The following LIPC variants were observed in gnomAD, a reference collection of about 807,000 sequenced individuals.
LIPC encodes hepatic triacylglycerol lipase.
A neutral mutation model predicts 50.7 loss-of-function variants in LIPC; 44 were observed. The ratio of observed to expected loss-of-function variants is 0.87; its 90% confidence interval spans 0.68 to 1.11. LIPC has a LOEUF of 1.11. LIPC is among the 50% of genes most tolerant of loss of function. The pLI, the probability that LIPC is intolerant of heterozygous loss-of-function variation, is 0.00. For synonymous variants in LIPC, 271 were observed against 256.4 expected, an observed-to-expected ratio of 1.06 and a Z score of -0.54; for missense variants, 697 against 648.2, an observed-to-expected ratio of 1.08 and a Z score of -0.82.
chr15:58,439,164 G>A (rs1180091982), intron 1 of LIPC, among the ~76,000 whole-genome samples: 2 of 152,168 alleles, frequency 1.3e-5, no homozygotes, highest in Non-Finnish European at 2.9e-5. Context: ...GCCTCATTGT[G>A]TGTGTCCTGT....
intron 8 of LIPC, chr15:58,566,337 A>T (rs1418897442): frequency 1.0e-6 from 1 of 985,366 alleles, no homozygotes; most frequent in Non-Finnish European, 1.2e-6. Context: ...GATGGACTCC[A>T]GTGTCAGCCA....
chr15:58,434,435 G>A (rs561355140), intron 1 of LIPC, among the ~76,000 whole-genome samples: 1 of 152,292 alleles, frequency 6.6e-6, no homozygotes. Context: ...TCACCATATG[G>A]TTGAGTAAGC....
chr15:58,563,393 C>T (rs1894234885), intron 7 of LIPC, 112 bp from the exon 8 acceptor site: 6 of 869,488 alleles, frequency 6.9e-6, no homozygotes, highest in African/African-American at 3.3e-5. Flanking sequence ...TTGGGAAATG[C>T]AGCAAAAATC....
intron 1 of LIPC, among the ~76,000 whole-genome samples, chr15:58,537,237 G>A (rs768728738): frequency 1.6e-4 from 25 of 152,200 alleles, no homozygotes; most frequent in Admixed American, 5.2e-4. Context: ...CTTGGCAGAG[G>A]TGTCCGTCTC....
At position 58,548,316 on chromosome 15, in the gene LIPC, G is replaced by A. The variant is rs779366465; in HGVS notation, c.809-14G>A. 3.1e-6 allele frequency: 5 copies of A among 1,613,924 alleles called. No homozygotes were observed. The East Asian group carries it at 1.1e-4, about 36-fold the overall frequency. On this transcript the variant is annotated splice_polypyrimidine_tract_variant and intron_variant, in intron 5 of 8. Coordinates refer to ENST00000299022, the MANE Select transcript of LIPC (RefSeq NM_000236.3). ...GTTAAGGGGTGATAACGTCCTTCTT[G>A]CCCTGTGTTCCAGCCATCACCCAGA...
chr15:58,489,673 A>C (rs1260812110), intron 1 of LIPC, among the ~76,000 whole-genome samples: 1 of 152,200 alleles, frequency 6.6e-6, no homozygotes. Flanking sequence ...GGCAAGTCAC[A>C]AATCTTGTGA....
intron 1 of LIPC, chr15:58,454,557 T>G (rs1894039673): frequency 6.6e-6 from 1 of 152,242 alleles, no homozygotes; most frequent in South Asian, 2.1e-4. Flanking sequence ...TCTGTCTGAA[T>G]GATTCACTTC....
intron 1 of LIPC, among the ~76,000 whole-genome samples, chr15:58,478,075 T>C (rs1022917978): frequency 3.3e-5 from 5 of 152,104 alleles, no homozygotes; most frequent in African/African-American, 9.7e-5. Context: ...TAGCTCAGTG[T>C]ACCCAAGCTT....
chr15:58,528,140 CAAA>C (rs11443674), intron 1 of LIPC, among the ~76,000 whole-genome samples: 5 of 137,826 alleles, frequency 3.6e-5, no homozygotes, highest in Admixed American at 7.3e-5. Flanking sequence ...AACTCTGTCT[CAAA>C]AAAAAAAAAA....
intron 1 of LIPC, among the ~76,000 whole-genome samples, chr15:58,442,236 C>T (rs997490245): frequency 2.0e-5 from 3 of 152,172 alleles, no homozygotes; most frequent in African/African-American, 7.2e-5. Flanking sequence ...TGGTGACCTT[C>T]CCTGGTATCA....
At chr15:58,499,087 A>T (rs561409019) in intron 1 of LIPC, among the ~76,000 whole-genome samples, 1 of 152,304 alleles carries the variant, frequency 6.6e-6, no homozygotes, top group East Asian at 1.9e-4. Flanking sequence ...CTGGGGTGGG[A>T]AGAATGGAGA....
intron 1 of LIPC, among the ~76,000 whole-genome samples, chr15:58,444,129 G>A (rs1893603660): frequency 6.6e-6 from 1 of 152,206 alleles, no homozygotes; most frequent in Admixed American, 6.5e-5. Flanking sequence ...TGCGACACAG[G>A]TCTAGGAATT....
chr15:58,556,472 A>G (rs41294815), intron 6 of LIPC, among the ~76,000 whole-genome samples: 3,415 of 152,324 alleles, frequency 0.022, 146 homozygotes, highest in African/African-American at 0.079. Context: ...CGTTTACTGC[A>G]GAAAATGTGA....
intron 1 of LIPC, among the ~76,000 whole-genome samples, chr15:58,517,326 G>A (rs1263532573): frequency 6.6e-6 from 1 of 152,206 alleles, no homozygotes; most frequent in Non-Finnish European, 1.5e-5. Flanking sequence ...CCACTATGTG[G>A]CACAGCACAT....
chr15:58,488,804 C>T (rs1231345151), intron 1 of LIPC, among the ~76,000 whole-genome samples: 1 of 152,152 alleles, frequency 6.6e-6, no homozygotes, highest in African/African-American at 2.4e-5. Flanking sequence ...AAAGACCACT[C>T]CCATAAAGGG....
intron 1 of LIPC, among the ~76,000 whole-genome samples, chr15:58,499,560 A>T (rs1253767760): frequency 6.6e-6 from 1 of 152,138 alleles, no homozygotes; most frequent in Non-Finnish European, 1.5e-5. Flanking sequence ...TTTCTTCCTT[A>T]GAAACTATGT....
intron 1 of LIPC, among the ~76,000 whole-genome samples, chr15:58,509,390 G>A (rs1892263520): frequency 6.6e-6 from 1 of 152,196 alleles, no homozygotes; most frequent in African/African-American, 2.4e-5. Context: ...CAAGAAGACT[G>A]AAATTGGAAT....
rs1414722250 is a variant in LIPC at position 58,449,598 on chromosome 15, G to A, written c.88+17478G>A. Among the ~76,000 whole-genome samples, 11 of 150,206 alleles carry A rather than the reference G, an allele frequency of 7.3e-5. No individual in the cohort carries two copies. In the East Asian group the frequency reaches 1.8e-3, roughly 24 times the overall value. On this transcript the variant is annotated intron_variant, in intron 1 of 8. Coordinates refer to ENST00000299022, the MANE Select transcript of LIPC (RefSeq NM_000236.3). ...GACAGAGTCTCACTCTGTCAACCAC[G>A]CTGTGCAGTAGCACGATCCTGGCTT...
At chr15:58,501,121 C>T (rs1891970640) in intron 1 of LIPC, among the ~76,000 whole-genome samples, 1 of 152,120 alleles carries the variant, frequency 6.6e-6, no homozygotes, top group Non-Finnish European at 1.5e-5. Flanking sequence ...GTCCTGCTGA[C>T]TCCACCTTAA....
Sources: gnomAD v4.1 joint callset for allele counts (sites outside exome capture counted in the v4.1 genomes callset) on GRCh38, gnomAD v4.1.1 for gene constraint, MANE v1.5 for transcripts, NCBI Gene and HGNC (gene_info 2026-07-23, HGNC 2026-07-21) for gene names.